The following ADARB2 variants were observed in gnomAD, a reference collection of about 807,000 sequenced individuals.
ADARB2 encodes the protein inactive double-stranded RNA-specific editase B2.
Under a neutral mutation model 62.2 loss-of-function variants are expected in ADARB2, and 25 were observed. The observed-to-expected ratio is 0.40, with a 90% CI of 0.29 to 0.56. ADARB2 has a LOEUF of 0.56. ADARB2 is among the 20% of genes least tolerant of loss of function. The pLI is 0.43. For missense variants in ADARB2, 1,071 were observed against 1,077.4 expected (o/e 0.99, Z 0.08); for synonymous variants, 572 against 500.8 (o/e 1.14, Z -1.90).
intron 3 of ADARB2, among the ~76,000 whole-genome samples, chr10:1,351,837 A>G (rs2820616): frequency 0.068 from 10,074 of 147,370 alleles, 766 homozygotes; most frequent in African/African-American, 0.18. Context: ...ACCTGTCCTA[A>G]AACCAGACAA....
chr10:1,682,476 C>T (rs1330293600), intron 1 of ADARB2, among the ~76,000 whole-genome samples: 4 of 152,176 alleles, frequency 2.6e-5, no homozygotes, highest in Non-Finnish European at 5.9e-5. Context: ...CAAAAATGAC[C>T]CCAAACCAGA....
chr10:1,321,593 C>T (rs1466770911), intron 3 of ADARB2, among the ~76,000 whole-genome samples: 1 of 152,112 alleles, frequency 6.6e-6, no homozygotes, highest in African/African-American at 2.4e-5. Flanking sequence ...TTATGTTGCC[C>T]AGGCTGGTCT....
intron 1 of ADARB2, among the ~76,000 whole-genome samples, chr10:1,617,228 C>G (rs540152648): frequency 4.0e-5 from 6 of 151,248 alleles, no homozygotes; most frequent in African/African-American, 1.5e-4. Context: ...TCCACACCGC[C>G]CTGCTGTGCT....
intron 1 of ADARB2, among the ~76,000 whole-genome samples, chr10:1,668,194 G>T (rs1834337321): frequency 6.6e-6 from 1 of 152,172 alleles, no homozygotes. Flanking sequence ...TTGGACTTGG[G>T]TTCAGTCTCT....
At chr10:1,405,089 C>T (rs1435028044) in intron 1 of ADARB2, among the ~76,000 whole-genome samples, 2 of 152,144 alleles carry the variant, frequency 1.3e-5, no homozygotes, top group Admixed American at 6.5e-5. Context: ...TGGGGTCATG[C>T]GGGGGCCCAG....
intron 1 of ADARB2, among the ~76,000 whole-genome samples, chr10:1,458,047 G>A (rs960412990): frequency 5.9e-5 from 9 of 151,786 alleles, no homozygotes; most frequent in African/African-American, 1.9e-4. Flanking sequence ...TTCCCCAAAC[G>A]CTCTTTAGAA....
chr10:1,669,681 C>A (rs1834357299), intron 1 of ADARB2, among the ~76,000 whole-genome samples: 2 of 151,146 alleles, frequency 1.3e-5, no homozygotes, highest in African/African-American at 2.4e-5. Flanking sequence ...CACACACAGA[C>A]ACATGCAGAC....
rs552232904 is a variant in ADARB2 at position 1,184,019 on chromosome 10, G to A, written c.2044-650C>T. Among the ~76,000 whole-genome samples, 71 of 152,342 alleles carry A rather than the reference G, an allele frequency of 4.7e-4. No individual in the cohort carries two copies. In the Middle Eastern group the frequency reaches 0.01, roughly 22 times the overall value. On this transcript the variant is annotated intron_variant, in intron 9 of 9. Coordinates refer to ENST00000381312, the MANE Select transcript of ADARB2 (RefSeq NM_018702.4). ...TCCCTGACCTTCCAAGTCTCCAGGA[G>A]AAGGGAGACCCCGGCAGTGCCCTTG...
chr10:1,213,506 C>T (rs1042318007), intron 7 of ADARB2, among the ~76,000 whole-genome samples: 2 of 152,182 alleles, frequency 1.3e-5, no homozygotes, highest in Non-Finnish European at 2.9e-5. Flanking sequence ...TGGGCACCCC[C>T]CTGTCCACTG....
chr10:1,360,273 C>T (rs1445106595), intron 3 of ADARB2, among the ~76,000 whole-genome samples: 2 of 152,222 alleles, frequency 1.3e-5, no homozygotes, highest in African/African-American at 4.8e-5. Flanking sequence ...GTGGGCCTGC[C>T]CTTTTCCGAG....
chr10:1,435,078 T>A (rs994727270), intron 1 of ADARB2, among the ~76,000 whole-genome samples: 5 of 152,152 alleles, frequency 3.3e-5, no homozygotes, highest in Non-Finnish European at 7.4e-5. Context: ...CGGACCTGGG[T>A]CCCCTGGGAG....
chr10:1,519,472 G>A (rs937977915), intron 1 of ADARB2, among the ~76,000 whole-genome samples: 3 of 152,164 alleles, frequency 2.0e-5, no homozygotes, highest in Non-Finnish European at 4.4e-5. Context: ...CACATGTGGT[G>A]TCATATGCTT....
chr10:1,358,015 T>G (rs1056062161), intron 3 of ADARB2, among the ~76,000 whole-genome samples: 2 of 122,494 alleles, frequency 1.6e-5, no homozygotes, highest in African/African-American at 3.1e-5. Context: ...TATGTGCATG[T>G]GCATCCTGCA....
intron 1 of ADARB2, among the ~76,000 whole-genome samples, chr10:1,424,119 T>G (rs1832875477): frequency 6.6e-6 from 1 of 152,210 alleles, no homozygotes; most frequent in Non-Finnish European, 1.5e-5. Flanking sequence ...CCAACACATA[T>G]GCAGTGGGTC....
At chr10:1,694,743 C>A (rs540755718) in intron 1 of ADARB2, among the ~76,000 whole-genome samples, 11 of 152,220 alleles carry the variant, frequency 7.2e-5, no homozygotes, top group African/African-American at 2.4e-4. Context: ...TACGTTTTTT[C>A]AGTCCGGGTT....
intron 1 of ADARB2, among the ~76,000 whole-genome samples, chr10:1,395,648 T>C (rs1832605666): frequency 6.6e-6 from 1 of 152,190 alleles, no homozygotes; most frequent in African/African-American, 2.4e-5. Context: ...TGGACCTCCC[T>C]ATAGCTGTTG....
chr10:1,419,442 T>C (rs913606526), intron 1 of ADARB2, among the ~76,000 whole-genome samples: 1 of 152,154 alleles, frequency 6.6e-6, no homozygotes, highest in Non-Finnish European at 1.5e-5. Context: ...TCAAACACTT[T>C]AAAAAAATCC....
chr10:1,495,830 A>T (rs1475330056), intron 1 of ADARB2, among the ~76,000 whole-genome samples: 1 of 151,960 alleles, frequency 6.6e-6, no homozygotes, highest in African/African-American at 2.4e-5. Context: ...CATCACCACC[A>T]TTATCATTGT....
chr10:1,682,797 GAAT>G (rs1291552435), intron 1 of ADARB2, among the ~76,000 whole-genome samples: 10 of 152,232 alleles, frequency 6.6e-5, no homozygotes, highest in Admixed American at 4.6e-4. Context: ...TACAGAAACA[GAAT>G]AATATTTAAA....
Sources: gnomAD v4.1 joint callset for allele counts (sites outside exome capture counted in the v4.1 genomes callset) on GRCh38, gnomAD v4.1.1 for gene constraint, MANE v1.5 for transcripts, NCBI Gene and HGNC (gene_info 2026-07-23, HGNC 2026-07-21) for gene names.